Variants in NRXN1 observed in about 807,000 individuals in gnomAD.
NRXN1 encodes the protein neurexin 1.
In NRXN1, 39 loss-of-function variants were observed where a neutral mutation model predicts 150.9. The ratio of observed to expected loss-of-function variants is 0.26; its 90% CI spans 0.20 to 0.34. The LOEUF is 0.34. Among genes scored for constraint, NRXN1 ranks in the 10% least tolerant of loss-of-function variants. The pLI is 1.00. For synonymous variants in NRXN1, 924 were observed against 757.0 expected (o/e 1.22, Z -3.62); for missense variants, 1,815 against 1,949.9 (o/e 0.93, Z 1.30).
chr2:50,854,920 G>C (rs1187031877), intron 5 of NRXN1, among the ~76,000 whole-genome samples: 1 of 152,022 alleles, frequency 6.6e-6, no homozygotes, highest in Non-Finnish European at 1.5e-5. Context: ...TTTCAAATTT[G>C]AGCAACAGAA....
chr2:50,669,134 TAACA>T (rs1688476802), intron 5 of NRXN1, among the ~76,000 whole-genome samples: 1 of 151,680 alleles, frequency 6.6e-6, no homozygotes, highest in South Asian at 2.1e-4. Context: ...CTCAAAGAAA[TAACA>T]AACAATGCAT....
intron 12 of NRXN1, among the ~76,000 whole-genome samples, chr2:50,511,557 A>G (rs2092452974): frequency 6.6e-6 from 1 of 152,088 alleles, no homozygotes; most frequent in South Asian, 2.1e-4. Context: ...TGTAGCTAAA[A>G]CCTATTGATA....
At chr2:50,848,818 G>A (rs899596966) in intron 5 of NRXN1, among the ~76,000 whole-genome samples, 1 of 152,110 alleles carries the variant, frequency 6.6e-6, no homozygotes, top group Non-Finnish European at 1.5e-5. Context: ...AAGAACTCCA[G>A]GGATTAGTGC....
At chr2:50,165,707 G>A (rs192986591) in intron 18 of NRXN1, among the ~76,000 whole-genome samples, 26 of 152,276 alleles carry the variant, frequency 1.7e-4, no homozygotes, top group Admixed American at 1.6e-3. Context: ...TCTGCAAAAT[G>A]AGAACAATGT....
chr2:50,132,743 T>C (rs1705721773), intron 18 of NRXN1, among the ~76,000 whole-genome samples: 1 of 152,170 alleles, frequency 6.6e-6, no homozygotes, highest in Non-Finnish European at 1.5e-5. Flanking sequence ...TTCCAGTAGC[T>C]TCCTGGAAGG....
chr2:50,282,284 G>C (rs996250926), intron 17 of NRXN1, among the ~76,000 whole-genome samples: 1 of 152,130 alleles, frequency 6.6e-6, no homozygotes, highest in Non-Finnish European at 1.5e-5. Flanking sequence ...GAGAGATGTA[G>C]TTCTATTTAA....
chr2:50,605,678 T>G (rs1676982215), intron 8 of NRXN1, among the ~76,000 whole-genome samples: 1 of 152,176 alleles, frequency 6.6e-6, no homozygotes, highest in African/African-American at 2.4e-5. Context: ...CTGGAAGCTG[T>G]GTACACTGTT....
At chr2:50,167,860 G>A (rs1004657139) in intron 18 of NRXN1, among the ~76,000 whole-genome samples, 3 of 152,134 alleles carry the variant, frequency 2.0e-5, no homozygotes, top group African/African-American at 7.2e-5. Flanking sequence ...TATGGTCCAG[G>A]ATTACATGCA....
chr2:50,371,746 G>C (rs1388475645), intron 17 of NRXN1, among the ~76,000 whole-genome samples: 1 of 120,772 alleles, frequency 8.3e-6, no homozygotes, highest in Non-Finnish European at 1.6e-5. Flanking sequence ...CCTCAACATA[G>C]CTGGGACAGT....
intron 21 of NRXN1, chr2:49,972,972 A>C (rs551075294): frequency 2.0e-5 from 3 of 152,390 alleles, no homozygotes; most frequent in Non-Finnish European, 2.9e-5. Flanking sequence ...CCATCTGGCT[A>C]TACTCTTGCT....
At chr2:50,154,312 A>G (rs2058881067) in intron 18 of NRXN1, among the ~76,000 whole-genome samples, 1 of 151,738 alleles carries the variant, frequency 6.6e-6, no homozygotes, top group African/African-American at 2.4e-5. Flanking sequence ...TCACTAAATC[A>G]TTATTAAGAA....
At chr2:50,922,395 A>G in intron 4 of NRXN1, 1 of 573,786 alleles carries the variant, frequency 1.7e-6, no homozygotes, top group Non-Finnish European at 3.1e-6. Context: ...AGAAACTTTC[A>G]ATCACAATTT....
At chr2:50,225,129 C>T (rs1279094933) in intron 18 of NRXN1, among the ~76,000 whole-genome samples, 1 of 151,930 alleles carries the variant, frequency 6.6e-6, no homozygotes, top group Non-Finnish European at 1.5e-5. Flanking sequence ...AATGGGAAGT[C>T]CCAGGAGAAC....
At chr2:50,003,179 A>T (rs1271234094) in intron 21 of NRXN1, among the ~76,000 whole-genome samples, 1 of 152,134 alleles carries the variant, frequency 6.6e-6, no homozygotes, top group African/African-American at 2.4e-5. Flanking sequence ...AATAGGGTCC[A>T]TATATACCAC....
chr2:50,864,139 A>G (rs1676533158), intron 5 of NRXN1, among the ~76,000 whole-genome samples: 1 of 152,070 alleles, frequency 6.6e-6, no homozygotes, highest in African/African-American at 2.4e-5. Flanking sequence ...CTAGACAAAG[A>G]AAGGACAGAG....
intron 17 of NRXN1, among the ~76,000 whole-genome samples, chr2:50,383,402 A>G (rs1352154190): frequency 6.6e-6 from 1 of 152,176 alleles, no homozygotes; most frequent in African/African-American, 2.4e-5. Flanking sequence ...GGAAATCTCC[A>G]TACAGTCTGA....
At chr2:50,966,490 G>T (rs535971153) in intron 2 of NRXN1, among the ~76,000 whole-genome samples, 4 of 151,828 alleles carry the variant, frequency 2.6e-5, no homozygotes, top group East Asian at 3.9e-4. Flanking sequence ...ATGAGGAAAA[G>T]GTTACATCTC....
At chr2:50,352,806 A>AATAATAATAATAATG (rs1180178835) in intron 17 of NRXN1, among the ~76,000 whole-genome samples, 79 of 149,254 alleles carry the variant, frequency 5.3e-4, no homozygotes, top group African/African-American at 1.7e-3. Flanking sequence ...TAATAATAAT[A>AATAATAATAATAATG]ATGCCAGGCT....
intron 21 of NRXN1, among the ~76,000 whole-genome samples, chr2:49,993,163 A>G (rs1334592646): frequency 6.6e-6 from 1 of 152,212 alleles, no homozygotes; most frequent in African/African-American, 2.4e-5. Flanking sequence ...CAACCAAGGT[A>G]TTCTTCGGTA....
Sources: gnomAD v4.1 joint callset for allele counts (sites outside exome capture counted in the v4.1 genomes callset) on GRCh38, gnomAD v4.1.1 for gene constraint, MANE v1.5 for transcripts, NCBI Gene and HGNC (gene_info 2026-07-23, HGNC 2026-07-21) for gene names.